Variants in CCDC122 observed in about 807,000 individuals in gnomAD.
CCDC122 encodes coiled-coil domain-containing protein 122.
A neutral mutation model predicts 37.0 loss-of-function variants in CCDC122; 38 were observed. That is an observed-to-expected ratio of 1.03 (90% CI 0.79 to 1.35). The LOEUF is 1.35. Ranked by LOEUF, CCDC122 falls within the 40% of genes most tolerant of loss-of-function variation. CCDC122 has a pLI of 0.00. For synonymous variants in CCDC122, 83 were observed against 95.6 expected (o/e 0.87, Z 0.77); for missense variants, 305 against 310.0 (o/e 0.98, Z 0.12).
intron 1 of CCDC122, among the ~76,000 whole-genome samples, chr13:43,875,789 C>T (rs1163606554): frequency 6.6e-6 from 1 of 152,230 alleles, no homozygotes; most frequent in African/African-American, 2.4e-5. Context: ...AGCCTGCCTG[C>T]AGCTTCCTCA....
At chr13:43,852,443 A>G (rs1199195808) in intron 6 of CCDC122, among the ~76,000 whole-genome samples, 1 of 152,110 alleles carries the variant, frequency 6.6e-6, no homozygotes, top group African/African-American at 2.4e-5. Context: ...AGAAAAAAAG[A>G]ATGAAAAGGA....
At chr13:43,828,732 GGGGC>G (rs1953062829) in intron 3 of CCDC122, among the ~76,000 whole-genome samples, 1 of 151,994 alleles carries the variant, frequency 6.6e-6, no homozygotes, top group Non-Finnish European at 1.5e-5. Context: ...TTTCCTGTTT[GGGGC>G]TCTCACACTG....
chr13:43,854,247 A>G (rs1304571035), intron 6 of CCDC122: 1 of 152,170 alleles, frequency 6.6e-6, no homozygotes, highest in Non-Finnish European at 1.5e-5. Context: ...CTAGACTAAC[A>G]CAGAATAGAG....
At chr13:43,848,916 A>C (rs1757869402) in intron 6 of CCDC122, 2 of 978,766 alleles carry the variant, frequency 2.0e-6, no homozygotes, top group Middle Eastern at 5.3e-4. Context: ...AGAAGTAATA[A>C]AAATCTTTTG....
chr13:43,845,706 T>C (rs1953500816), intron 6 of CCDC122, among the ~76,000 whole-genome samples: 1 of 107,870 alleles, frequency 9.3e-6, no homozygotes, highest in African/African-American at 3.2e-5. Flanking sequence ...CAAGACTCCA[T>C]CTCTAAAAAC....
downstream of CCDC122, among the ~76,000 whole-genome samples, chr13:43,832,888 T>C (rs1953103120): frequency 1.3e-5 from 2 of 152,172 alleles, 1 homozygote; most frequent in South Asian, 4.1e-4. Flanking sequence ...TTTTGAGAAT[T>C]AAATGAAATC....
intron 4 of CCDC122, among the ~76,000 whole-genome samples, chr13:43,862,535 T>C (rs1056330589): frequency 1.3e-5 from 2 of 152,220 alleles, no homozygotes; most frequent in African/African-American, 4.8e-5. Context: ...ATTATCTTTA[T>C]TTTGTTAATT....
At chr13:43,828,432 A>G (rs189935460) in intron 3 of CCDC122, among the ~76,000 whole-genome samples, 11 of 152,298 alleles carry the variant, frequency 7.2e-5, no homozygotes, top group South Asian at 2.1e-4. Flanking sequence ...CCTTTAAGCA[A>G]CATCCTTCCC....
At chr13:43,851,954 A>G (rs1328743102) in intron 6 of CCDC122, among the ~76,000 whole-genome samples, 1 of 92,734 alleles carries the variant, frequency 1.1e-5, no homozygotes, top group African/African-American at 4.3e-5. Flanking sequence ...GGATAAAAGA[A>G]AAAAAAAACA....
rs767631374 is a variant in CCDC122 at position 43,859,908 on chromosome 13, G to A, written c.319C>T (p.Leu107Phe). The change falls in exon 5 of 7, where the codon CTT becomes TTT. Residue 107 changes from leucine to phenylalanine, a missense_variant. By Grantham distance (22) the Leu-to-Phe change is conservative. Coordinates refer to ENST00000444614, the MANE Select transcript of CCDC122 (RefSeq NM_144974.5). Reference protein sequence around the residue: ...IKSLHSENVKLKFDIETAQED... With the variant: ...IKSLHSENVKFKFDIETAQED... ...TGGGCTGTTTCTATGTCAAATTTAA[G>A]CTTTACATTTTCTGAATGTAAGGAT... 1 of 1,609,598 alleles carries A rather than the reference G, an allele frequency of 6.2e-7. No homozygotes were observed. The highest frequency in any genetic ancestry group is 1.7e-5 in the Admixed American group (1 of 59,424).
At chr13:43,835,131 T>TA (rs1168142977), downstream of CCDC122, among the ~76,000 whole-genome samples, 1 of 151,992 alleles carries the variant, frequency 6.6e-6, no homozygotes, top group Non-Finnish European at 1.5e-5. Flanking sequence ...TATGCAGCCA[T>TA]AAAAAATGAT....
chr13:43,835,379 G>T (rs1046554415), downstream of CCDC122, among the ~76,000 whole-genome samples: 1 of 152,078 alleles, frequency 6.6e-6, no homozygotes, highest in African/African-American at 2.4e-5. Context: ...GTTAATGGGT[G>T]CAGCACACCA....
intron 6 of CCDC122, among the ~76,000 whole-genome samples, chr13:43,844,946 C>T (rs112684295): frequency 9.2e-5 from 14 of 152,048 alleles, no homozygotes; most frequent in African/African-American, 3.1e-4. Flanking sequence ...AATTGGAATG[C>T]TTAGCTCATT....
intron 6 of CCDC122, chr13:43,855,536 T>C (rs942320385): frequency 6.6e-6 from 1 of 152,138 alleles, no homozygotes; most frequent in African/African-American, 2.4e-5. Context: ...ATCATTAAAA[T>C]GGCCATACTA....
At chr13:43,857,810 G>T (rs959277707) in intron 6 of CCDC122, among the ~76,000 whole-genome samples, 3 of 152,046 alleles carry the variant, frequency 2.0e-5, no homozygotes, top group Non-Finnish European at 2.9e-5. Context: ...GGCTGAGATG[G>T]GAAAATCGCT....
At chr13:43,819,377 C>T (rs531642958), downstream of CCDC122, among the ~76,000 whole-genome samples, 39 of 152,188 alleles carry the variant, frequency 2.6e-4, no homozygotes, top group African/African-American at 7.2e-4. Context: ...TAGAAAATGA[C>T]GTTTTCATGA....
chr13:43,824,206 G>A (rs773877298), intron 3 of CCDC122, among the ~76,000 whole-genome samples: 1 of 152,118 alleles, frequency 6.6e-6, no homozygotes, highest in Admixed American at 6.5e-5. Flanking sequence ...CCAAATATGG[G>A]ATGAAATAGA....
chr13:43,821,202 T>C (rs908864753), downstream of CCDC122, among the ~76,000 whole-genome samples: 4 of 152,188 alleles, frequency 2.6e-5, no homozygotes, highest in Admixed American at 2.6e-4. Context: ...TGAGTATTGA[T>C]ATCTTTATGT....
At chr13:43,835,941 G>C (rs867249632), downstream of CCDC122, among the ~76,000 whole-genome samples, 3 of 152,142 alleles carry the variant, frequency 2.0e-5, no homozygotes, top group African/African-American at 7.2e-5. Flanking sequence ...AGGATAAGCT[G>C]TTTGAAGTGT....
Sources: allele counts gnomAD v4.1 joint callset (sites outside exome capture counted in the v4.1 genomes callset), GRCh38; gene constraint gnomAD v4.1.1; transcripts MANE v1.5; gene names NCBI Gene and HGNC (gene_info 2026-07-23, HGNC 2026-07-21).